The following HDAC5 variants were observed in gnomAD, a reference collection of about 807,000 sequenced individuals.
HDAC5 encodes the protein histone deacetylase 5.
In HDAC5, 25 loss-of-function variants were observed where a neutral mutation model predicts 133.3. The ratio of observed to expected loss-of-function variants is 0.19; its 90% CI spans 0.14 to 0.26. HDAC5 has a LOEUF of 0.26. Among genes scored for constraint, HDAC5 ranks in the 10% least tolerant of loss-of-function variants. HDAC5 has a pLI of 1.00. For synonymous variants in HDAC5, 589 were observed against 610.8 expected, an observed-to-expected ratio of 0.96 and a Z score of 0.53; for missense variants, 1,041 against 1,460.5, an observed-to-expected ratio of 0.71 and a Z score of 4.68.
At position 44,080,477 on chromosome 17, in the gene HDAC5, C is replaced by T. The variant is rs1405339453; in HGVS notation, c.2749G>A (p.Gly917Arg). 1 of 1,614,028 alleles carries T rather than the reference C, an allele frequency of 6.2e-7. No homozygotes were observed. Residue 917 changes from glycine (G) to arginine (R), a missense_variant, in exon 22 of 27, where the codon GGG (glycine) becomes AGG (arginine). Gly to Arg is a moderately radical substitution (Grantham distance 125). Around this residue, in one of 9 missense-constraint regions of HDAC5, gnomAD observed 174 missense variants for 352.7 expected, o/e 0.49. Coordinates refer to ENST00000682912, the MANE Select transcript of HDAC5 (RefSeq NM_005474.5). ...GTCCATGCCACGTTCACATTGTACC[C>T]CACGCCTGGTCCTCCACCAACCTGG... is the stretch of plus-strand genomic sequence containing the variant. ...PEEVGGGPGVGYNVNVAWTGG... is the reference protein window; with the variant it reads ...PEEVGGGPGVRYNVNVAWTGG...
chr17:44,102,492 C>G (rs1382309272), intron 3 of HDAC5, among the ~76,000 whole-genome samples: 1 of 152,154 alleles, frequency 6.6e-6, no homozygotes, highest in Non-Finnish European at 1.5e-5. Flanking sequence ...TCCTGAGTAG[C>G]TGGGACTGCA....
At chr17:44,085,188 G>A in intron 14 of HDAC5, 33 bp from the exon 15 acceptor site, 2 of 1,542,756 alleles carry the variant, frequency 1.3e-6, no homozygotes, top group Non-Finnish European at 1.8e-6. Context: ...AGCCAGCACT[G>A]CTCTGGGCCC....
In HDAC5 at chr17:44,085,367, C is replaced by T. The variant is rs111655074; in HGVS notation, c.2051-212G>A. ...TTTGAAACAGGGTCTCACTCTGTCA[C>T]CCAGGCTGGAGTGGAGTGTGTAGTG... On this transcript the variant is annotated intron_variant, in intron 14 of 26. Coordinates refer to ENST00000682912, the MANE Select transcript of HDAC5 (RefSeq NM_005474.5). The T allele has an allele frequency of 1.2e-3, 534 of 437,176 alleles. 1 individual carries two copies. The highest frequency in any genetic ancestry group is 6.8e-3 in the African/African-American group (343 of 50,612). The allele number at this position is 437,176 out of a possible 1,614,324, so 27.1% of individuals were successfully genotyped here.
At chr17:44,122,924 C>T (rs1263552701) in intron 1 of HDAC5, among the ~76,000 whole-genome samples, 1 of 152,194 alleles carries the variant, frequency 6.6e-6, no homozygotes, top group Non-Finnish European at 1.5e-5. Flanking sequence ...AACGCAGTAA[C>T]GCCTCACAGG....
rs748521440 is a variant in HDAC5, at chr17:44,087,695, A to T, written c.1601T>A (p.Ile534Asn). 2 of 1,581,948 alleles carry T rather than the reference A, an allele frequency of 1.3e-6. No homozygotes were observed. Residue 534 changes from isoleucine (I) to asparagine (N), a missense_variant and splice_region_variant, in exon 13 of 27, where the codon ATC becomes AAC. Physicochemically the swap from Ile to Asn is moderately radical, Grantham distance 149. Transcript: ENST00000682912. ...GGGCAGCTCCCCTGTCTTGGTGAGG[A>T]TCTGATAACAGAATATGGGGGCACA... Reference protein sequence around the residue: ...QKQQQLQLGKILTKTGELPRQ... With the variant: ...QKQQQLQLGKNLTKTGELPRQ...
At position 44,078,193 on chromosome 17, in the gene HDAC5, G is replaced by A. The variant is rs987208925; in HGVS notation, c.*183C>T. On this transcript the variant is annotated 3_prime_UTR_variant, in exon 27 of 27. Transcript: ENST00000682912. Reference sequence around the variant, plus strand: ...GACACCACCACCCCCTGCAGAGGGAGCAGGCTTCTAGAGCTGAGGTGGAAG... The same window carrying A: ...GACACCACCACCCCCTGCAGAGGGAACAGGCTTCTAGAGCTGAGGTGGAAG... The A allele has an allele frequency of 1.8e-6, 1 of 545,690 alleles. No homozygotes were observed. The highest frequency in any genetic ancestry group is 3.1e-6 in the Non-Finnish European group (1 of 320,088). The allele number at this position is 545,690 out of a possible 1,614,324, so 33.8% of individuals were successfully genotyped here.
chr17:44,108,347 C>T (rs1001413104), intron 3 of HDAC5, among the ~76,000 whole-genome samples: 14 of 152,154 alleles, frequency 9.2e-5, no homozygotes, highest in Admixed American at 6.5e-4. Context: ...CAGCCCTCCC[C>T]ATGCGACATT....
chr17:44,094,443 C>G (rs565443609), intron 3 of HDAC5, among the ~76,000 whole-genome samples: 1 of 152,172 alleles, frequency 6.6e-6, no homozygotes, highest in Admixed American at 6.5e-5. Context: ...CAAGACCATC[C>G]TGACTAACAT....
In HDAC5 at chr17:44,108,755, AAAAAAACAAAAAAAAAAC is replaced by A. The variant is rs1463151170; in HGVS notation, c.94+1956_94+1973del. The stretch of plus-strand genomic sequence containing the variant: ...ATCTATTTACATTCCAGAGTCCAAA[AAAAAAACAAAAAAAAAAC>A]AAAAAAAAAACAAGGCTGCCGAGCT... On this transcript the variant is annotated intron_variant, in intron 3 of 26. Transcript: ENST00000682912. Among the ~76,000 whole-genome samples the A allele has an allele frequency of 6.4e-4, 85 of 133,806 alleles. 2 individuals are homozygous for A. Among genetic ancestry groups the A allele is most frequent in the African/African-American group, 2.2e-3 (77 of 34,312 alleles). 87.8% of individuals were successfully genotyped at this position (133,806 alleles called of 152,430 possible). A position where few individuals can be genotyped will look rare whatever the true frequency, so the allele number is the denominator to read the frequency against.
chr17:44,120,606 G>A (rs1440019048), intron 1 of HDAC5: 1 of 152,184 alleles, frequency 6.6e-6, no homozygotes, highest in Admixed American at 6.5e-5. Context: ...GCCAGGTGTG[G>A]TGGCGCATGC....
chr17:44,117,598 C>T lies in HDAC5; in HGVS notation c.-83G>A, dbSNP rs375119677. The T allele has an allele frequency of 1.4e-5, 21 of 1,508,724 alleles. No homozygotes were observed. Among genetic ancestry groups the T allele is most frequent in the African/African-American group, 2.7e-5 (2 of 72,934 alleles). The allele number at this position is 1,508,724 out of a possible 1,614,324, so 93.5% of individuals were successfully genotyped here. ...CTGCGGTGATGTCAAGAGAGACAGACGATAACAGACAGACGGACGGGACGG... is the reference window on the plus strand; with the variant it reads ...CTGCGGTGATGTCAAGAGAGACAGATGATAACAGACAGACGGACGGGACGG... On this transcript the variant is annotated 5_prime_UTR_variant, in exon 2 of 27. Coordinates refer to ENST00000682912, the MANE Select transcript of HDAC5 (RefSeq NM_005474.5). This position sits in a 1 kb window ranked among gnomAD's most constrained non-coding sequence, Gnocchi z 4.2.
At position 44,123,532 on chromosome 17, in the gene HDAC5, GGCGGCGGCGGCAGCA is replaced by G. The variant is rs1453483637; in HGVS notation, c.-233_-219del. Reference sequence around the variant, plus strand: ...CTGCGGCTCGAGCTCCGGCTTCGCGGGCGGCGGCGGCAGCAGCGGCGGCGGCAGCGGCGGCAGCAC... The same window carrying G: ...CTGCGGCTCGAGCTCCGGCTTCGCGGGCGGCGGCGGCAGCGGCGGCAGCAC... On this transcript the variant is annotated 5_prime_UTR_variant, in exon 1 of 27. Coordinates refer to ENST00000682912, the MANE Select transcript of HDAC5 (RefSeq NM_005474.5). 3 of 396,240 alleles carry G rather than the reference GGCGGCGGCGGCAGCA, an allele frequency of 7.6e-6. No individual in the cohort carries two copies. Among genetic ancestry groups the G allele is most frequent in the East Asian group, 3.6e-5 (1 of 27,716 alleles). 24.5% of individuals were successfully genotyped at this position (396,240 alleles called of 1,614,324 possible).
intron 11 of HDAC5, among the ~76,000 whole-genome samples, chr17:44,089,846 G>A (rs965959766): frequency 7.0e-6 from 1 of 143,652 alleles, no homozygotes; most frequent in Non-Finnish European, 1.5e-5. Context: ...ACCGCTTGAA[G>A]CTTGAACCCA....
At chr17:44,082,911 G>A in intron 18 of HDAC5, 91 bp from the exon 19 acceptor site, 8 of 1,106,786 alleles carry the variant, frequency 7.2e-6, no homozygotes, top group Non-Finnish European at 1.1e-5. Flanking sequence ...GCCAGGCAGG[G>A]AAGTGAACAC....
chr17:44,084,946 T>G (rs774288395), intron 15 of HDAC5, 76 bp downstream of exon 15: 97 of 1,516,580 alleles, frequency 6.4e-5, no homozygotes, highest in Non-Finnish European at 8.1e-5. Context: ...GGAAGAAGCA[T>G]GAAGAGAGGC....
At chr17:44,100,207 C>CCTT (rs1218648970) in intron 3 of HDAC5, among the ~76,000 whole-genome samples, 1 of 152,150 alleles carries the variant, frequency 6.6e-6, no homozygotes, top group Non-Finnish European at 1.5e-5. Context: ...CAAGGCCAAG[C>CCTT]CTTCCGCCTG....
At chr17:44,091,552 C>T (rs2050951546) in intron 10 of HDAC5, 60 bp from the exon 11 acceptor site, 2 of 1,491,830 alleles carry the variant, frequency 1.3e-6, no homozygotes, top group African/African-American at 1.4e-5. Context: ...GACTAGCATC[C>T]CCATCTACCC....
In HDAC5 at chr17:44,092,460, G is replaced by A. The variant is rs1337037664; in HGVS notation, c.840C>T (p.Pro280=). 3 of 1,614,014 alleles carry A rather than the reference G, an allele frequency of 1.9e-6. No homozygotes were observed. The highest frequency in any genetic ancestry group is 1.1e-5 in the South Asian group (1 of 91,082). Residue 280 remains proline, a synonymous_variant, in exon 8 of 27, where the codon CCC becomes CCT. Coordinates refer to ENST00000682912, the MANE Select transcript of HDAC5 (RefSeq NM_005474.5). Reference sequence around the variant, plus strand: ...CAGTCCCATCCTTGCGACGCAGGAGGGGACTGCTTCTCCGCTCAGCCACCT... The same window carrying A: ...CAGTCCCATCCTTGCGACGCAGGAGAGGACTGCTTCTCCGCTCAGCCACCT... The part of the protein sequence containing the change: ...KQKVAERRSS[P]LLRRKDGTVI...
intron 2 of HDAC5, among the ~76,000 whole-genome samples, chr17:44,113,100 A>AG (rs1330515147): frequency 6.6e-6 from 1 of 152,150 alleles, no homozygotes; most frequent in Non-Finnish European, 1.5e-5. Flanking sequence ...CACCCACGCT[A>AG]GGAGTAACCA....
Sources: gnomAD v4.1 joint callset for allele counts (sites outside exome capture counted in the v4.1 genomes callset) on GRCh38, gnomAD v4.1.1 for gene constraint, gnomAD v4.1.1 regional missense constraint, Gnocchi (gnomAD v3.1) non-coding constraint, MANE v1.5 for transcripts, NCBI Gene and HGNC (gene_info 2026-07-23, HGNC 2026-07-21) for gene names.